CSMD1: variants seen among roughly 807,000 people sequenced by gnomAD.
The protein encoded by CSMD1 is CUB and Sushi multiple domains 1, also known as CUB and sushi domain-containing protein 1.
A neutral mutation model predicts 417.5 loss-of-function variants in CSMD1; 213 were observed. The observed-to-expected ratio is 0.51, with a 90% CI of 0.46 to 0.57. The LOEUF (loss-of-function observed/expected upper bound fraction) is 0.57. CSMD1 is among the 20% of genes least tolerant of loss of function. The pLI, the probability that CSMD1 is intolerant of heterozygous loss-of-function variation, is 0.00. For missense variants in CSMD1, 6,923 were observed against 4,529.7 expected (o/e 1.53, Z -15.17); for synonymous variants, 2,862 against 1,736.8 (o/e 1.65, Z -16.11).
chr8:3,878,413 C>T (rs1380587073), intron 5 of CSMD1, among the ~76,000 whole-genome samples: 1 of 152,024 alleles, frequency 6.6e-6, no homozygotes, highest in African/African-American at 2.4e-5. Context: ...CACATTATAA[C>T]AATAATATCA....
At chr8:4,273,331 G>C (rs1804719345) in intron 3 of CSMD1, among the ~76,000 whole-genome samples, 1 of 152,220 alleles carries the variant, frequency 6.6e-6, no homozygotes, top group Admixed American at 6.5e-5. Context: ...AGTCATGAAA[G>C]TGCTATTCCA....
At chr8:4,045,069 G>T (rs1041163652) in intron 3 of CSMD1, among the ~76,000 whole-genome samples, 32 of 152,310 alleles carry the variant, frequency 2.1e-4, no homozygotes, top group African/African-American at 7.7e-4. Context: ...TGTGCCTGAG[G>T]TATGGTGTGG....
intron 16 of CSMD1, among the ~76,000 whole-genome samples, chr8:3,397,579 C>T (rs1017539547): frequency 7.9e-5 from 12 of 152,150 alleles, no homozygotes; most frequent in African/African-American, 2.9e-4. Flanking sequence ...TGCATAGTGC[C>T]AACTTTGTCT....
chr8:4,601,436 C>G (rs553908221), intron 2 of CSMD1, among the ~76,000 whole-genome samples: 5 of 152,260 alleles, frequency 3.3e-5, no homozygotes, highest in African/African-American at 1.2e-4. Flanking sequence ...CCCACTTCTA[C>G]AGGGATCATC....
intron 5 of CSMD1, among the ~76,000 whole-genome samples, chr8:3,897,704 T>C (rs998295396): frequency 6.6e-6 from 1 of 152,132 alleles, no homozygotes; most frequent in African/African-American, 2.4e-5. Context: ...ATGCCCATAA[T>C]CCCGTGAGGA....
At chr8:3,544,207 A>G (rs1798561800) in intron 10 of CSMD1, among the ~76,000 whole-genome samples, 2 of 152,144 alleles carry the variant, frequency 1.3e-5, no homozygotes, top group South Asian at 4.1e-4. Context: ...GAAGAGATTG[A>G]TAACGTTTAC....
intron 33 of CSMD1, among the ~76,000 whole-genome samples, chr8:3,192,914 T>C (rs2129051715): frequency 6.7e-6 from 1 of 148,710 alleles, no homozygotes; most frequent in East Asian, 2.0e-4. Context: ...GAGTATTTTA[T>C]TAGAGTTGAA....
rs2627389 is a variant in CSMD1, at chr8:3,913,908, A to G, written c.818+83995T>C. 4.2e-3 allele frequency among the ~76,000 whole-genome samples: 645 copies of G among 152,294 alleles called. 4 individuals carry two copies. The highest frequency in any genetic ancestry group is 0.015 in the African/African-American group (619 of 41,564). On this transcript the variant is annotated intron_variant, in intron 5 of 69. Transcript: ENST00000635120. ...TCGACTGTTTTTTGTCCAGCTGTAT[A>G]AAGTCCAGTTTTGGACTCAAATAAA...
chr8:4,015,747 G>A (rs1304465484), intron 4 of CSMD1, among the ~76,000 whole-genome samples: 2 of 147,356 alleles, frequency 1.4e-5, no homozygotes, highest in Non-Finnish European at 3.0e-5. Flanking sequence ...AATGTGTTTT[G>A]ACATGTTTAG....
intron 44 of CSMD1, among the ~76,000 whole-genome samples, chr8:3,108,326 T>TAAA (rs2129015265): frequency 6.6e-6 from 1 of 152,308 alleles, no homozygotes; most frequent in East Asian, 1.9e-4. Context: ...AGTAAATCTA[T>TAAA]AAAAGGTACC....
intron 6 of CSMD1, among the ~76,000 whole-genome samples, chr8:3,733,203 A>T (rs955970234): frequency 2.7e-4 from 31 of 114,436 alleles, no homozygotes; most frequent in African/African-American, 1.1e-3. Context: ...ACACACACAC[A>T]CACTCTCTCT....
At chr8:4,593,183 A>C (rs943264753) in intron 2 of CSMD1, among the ~76,000 whole-genome samples, 2 of 152,206 alleles carry the variant, frequency 1.3e-5, no homozygotes, top group Non-Finnish European at 2.9e-5. Flanking sequence ...ACTGAAGTGC[A>C]TACAAATGGG....
At chr8:3,970,240 A>C (rs1285007727) in intron 5 of CSMD1, among the ~76,000 whole-genome samples, 1 of 152,196 alleles carries the variant, frequency 6.6e-6, no homozygotes, top group Non-Finnish European at 1.5e-5. Context: ...CTCCCAATTT[A>C]ATCAACTAAA....
At chr8:4,392,405 C>A (rs572471053) in intron 3 of CSMD1, among the ~76,000 whole-genome samples, 1 of 152,156 alleles carries the variant, frequency 6.6e-6, no homozygotes, top group Non-Finnish European at 1.5e-5. Flanking sequence ...CAAAATTATT[C>A]AAATCCCTCC....
At chr8:4,138,169 C>A (rs1585398083) in intron 3 of CSMD1, among the ~76,000 whole-genome samples, 1 of 143,856 alleles carries the variant, frequency 7.0e-6, no homozygotes, top group South Asian at 2.2e-4. Context: ...CCCACCTGGG[C>A]CTCCCAAAGT....
At chr8:3,243,324 C>G (rs949015648) in intron 26 of CSMD1, among the ~76,000 whole-genome samples, 7 of 152,208 alleles carry the variant, frequency 4.6e-5, no homozygotes, top group African/African-American at 1.7e-4. Flanking sequence ...CCACATTTCA[C>G]TCGCGTCCAT....
At position 4,001,362 on chromosome 8, in the gene CSMD1, C is replaced by T. The variant is rs150717785; in HGVS notation, c.611-3252G>A. 4.7e-3 allele frequency among the ~76,000 whole-genome samples: 714 copies of T among 152,208 alleles called. 6 individuals carry two copies. The highest frequency in any genetic ancestry group is 0.017 in the African/African-American group (698 of 41,548). ...GGGCCCCCACCCTGCAGCCATTAGC[C>T]CCCTGGTTTCTCCACTGCTGGAAGG... On this transcript the variant is annotated intron_variant, in intron 4 of 69. Transcript: ENST00000635120.
In CSMD1 at chr8:3,964,588, C is replaced by G. The variant is rs553589211; in HGVS notation, c.818+33315G>C. Among the ~76,000 whole-genome samples, 70 of 152,224 alleles carry G rather than the reference C, an allele frequency of 4.6e-4. No homozygotes were observed. In the South Asian group the frequency reaches 0.014, roughly 30 times the overall value. ...AAGTCTTGCAGGTTAATTCTCTGAT[C>G]CACTTAAATCCCAATTGTAATGTTT... is the stretch of plus-strand genomic sequence containing the variant. On this transcript the variant is annotated intron_variant, in intron 5 of 69. Coordinates refer to ENST00000635120, the MANE Select transcript of CSMD1 (RefSeq NM_033225.6).
intron 21 of CSMD1, among the ~76,000 whole-genome samples, chr8:3,352,391 C>G (rs185765886): frequency 2.6e-3 from 394 of 152,252 alleles, no homozygotes; most frequent in Non-Finnish European, 4.6e-3. Context: ...GACACAAATT[C>G]TAGAATTTCA....
Sources: allele counts gnomAD v4.1 joint callset (sites outside exome capture counted in the v4.1 genomes callset), GRCh38; gene constraint gnomAD v4.1.1; transcripts MANE v1.5; gene names NCBI Gene and HGNC (gene_info 2026-07-23, HGNC 2026-07-21).